NEDD8: variants seen among roughly 807,000 people sequenced by gnomAD.
The protein encoded by NEDD8 is ubiquitin-like protein NEDD8.
Under a neutral mutation model 13.8 loss-of-function variants are expected in NEDD8, and 1 was observed. That is an observed-to-expected ratio of 0.07 (90% CI 0.03 to 0.34). The LOEUF (loss-of-function observed/expected upper bound fraction) is 0.34, where lower values mean the gene tolerates loss of function less well. NEDD8 is among the 10% of genes least tolerant of loss of function. NEDD8 has a pLI of 0.99. For missense variants in NEDD8, 10 were observed against 95.2 expected, an observed-to-expected ratio of 0.10 and a Z score of 3.73; for synonymous variants, 31 against 33.2, an observed-to-expected ratio of 0.93 and a Z score of 0.23.
intron 1 of NEDD8, among the ~76,000 whole-genome samples, chr14:24,222,695 T>C (rs979146136): frequency 4.6e-5 from 7 of 152,154 alleles, no homozygotes; most frequent in African/African-American, 1.7e-4. Flanking sequence ...AAACCCAACA[T>C]AGCCAAAATA....
chr14:24,231,563 G>A (rs1327097429), intron 1 of NEDD8: 1 of 151,986 alleles, frequency 6.6e-6, no homozygotes, highest in Non-Finnish European at 1.5e-5. Context: ...ACGAGGGCTG[G>A]AAATTGGTGA....
chr14:24,225,527 C>G (rs1052901798), intron 1 of NEDD8, among the ~76,000 whole-genome samples: 8 of 151,978 alleles, frequency 5.3e-5, no homozygotes, highest in Non-Finnish European at 1.2e-4. Context: ...TTAAAAAAAT[C>G]AGGTAAAAGG....
intron 1 of NEDD8, among the ~76,000 whole-genome samples, chr14:24,224,686 A>G (rs1288372737): frequency 6.6e-6 from 1 of 152,220 alleles, no homozygotes; most frequent in Non-Finnish European, 1.5e-5. Context: ...GTAACCCCCA[A>G]TGAAACAATG....
At chr14:24,224,028 C>T (rs35609242) in intron 1 of NEDD8, among the ~76,000 whole-genome samples, 28 of 151,922 alleles carry the variant, frequency 1.8e-4, no homozygotes, top group Non-Finnish European at 3.1e-4. Flanking sequence ...CCCGGGTTCA[C>T]GCCATTCTCC....
At chr14:24,229,260 C>G (rs968256351) in intron 1 of NEDD8, among the ~76,000 whole-genome samples, 1 of 152,210 alleles carries the variant, frequency 6.6e-6, no homozygotes, top group African/African-American at 2.4e-5. Flanking sequence ...CACTCTGTTG[C>G]CCAGGCTGGA....
chr14:24,216,908 A>G lies in NEDD8; in HGVS notation c.*219T>C, dbSNP rs2039709858. On this transcript the variant is annotated 3_prime_UTR_variant, in exon 4 of 4. Transcript: ENST00000250495. The stretch of plus-strand genomic sequence containing the variant: ...TGACAACCAGGGACACAGTCATAAG[A>G]GAGGGAAGCACACAGGACTGCAAAC... The G allele has an allele frequency of 1.9e-6, 1 of 524,780 alleles. No homozygotes were observed. The highest frequency in any genetic ancestry group is 3.7e-5 in the Admixed American group (1 of 27,116). The allele number at this position is 524,780 out of a possible 1,614,324, so 32.5% of individuals were successfully genotyped here. A position where few individuals can be genotyped will look rare whatever the true frequency, so the allele number is the denominator to read the frequency against.
intron 1 of NEDD8, among the ~76,000 whole-genome samples, chr14:24,223,881 C>T (rs973674361): frequency 5.3e-5 from 8 of 151,940 alleles, no homozygotes; most frequent in South Asian, 2.1e-4. Flanking sequence ...GTTACAGCCG[C>T]GTGTCACTAC....
intron 1 of NEDD8, among the ~76,000 whole-genome samples, chr14:24,223,392 C>CT (rs1328825867): frequency 1.3e-5 from 2 of 151,828 alleles, no homozygotes; most frequent in Non-Finnish European, 2.9e-5. Context: ...GAGGGAGACC[C>CT]TATCTCCAAA....
At chr14:24,218,553 C>G in intron 1 of NEDD8, 122 bp from the exon 2 acceptor site, 1 of 1,377,504 alleles carries the variant, frequency 7.3e-7, no homozygotes, top group Non-Finnish European at 1.0e-6. Flanking sequence ...TTCTCAGCAG[C>G]ACTGCTTTGG....
chr14:24,221,008 A>G (rs2039799344), intron 1 of NEDD8, among the ~76,000 whole-genome samples: 1 of 152,256 alleles, frequency 6.6e-6, no homozygotes, highest in African/African-American at 2.4e-5. Flanking sequence ...TTCCAAAAAT[A>G]CAAGAACAAT....
intron 1 of NEDD8, among the ~76,000 whole-genome samples, chr14:24,219,475 C>CAAAAAAAAAAAAAA (rs59964484): frequency 3.0e-5 from 1 of 33,368 alleles, no homozygotes; most frequent in Non-Finnish European, 5.4e-5. Context: ...AACACCCTCG[C>CAAAAAAAAAAAAAA]AAAAAAAAAA....
chr14:24,220,810 G>A (rs2039795625), intron 1 of NEDD8, among the ~76,000 whole-genome samples: 2 of 152,172 alleles, frequency 1.3e-5, no homozygotes, highest in South Asian at 2.1e-4. Flanking sequence ...TGGTCCCAGA[G>A]CCTGTGCTTT....
intron 1 of NEDD8, chr14:24,227,168 G>A (rs1406981768): frequency 6.6e-6 from 1 of 152,162 alleles, no homozygotes; most frequent in Admixed American, 6.5e-5. Context: ...TTTAGATTTT[G>A]TAATTACATG....
In NEDD8 at chr14:24,221,592, T is replaced by TTTTA. The variant is rs539118024; in HGVS notation, c.19-3165_19-3162dup. Among the ~76,000 whole-genome samples, 521 of 150,042 alleles carry TTTTA rather than the reference T, an allele frequency of 3.5e-3. 3 individuals carry two copies. The highest frequency in any genetic ancestry group is 0.012 in the African/African-American group (482 of 40,724). ...ACCGTGCCTGGCCGATAATACAAAT[T>TTTTA]TTTATTTATTTATTTATTTTGAGAT... is the stretch of plus-strand genomic sequence containing the variant. On this transcript the variant is annotated intron_variant, in intron 1 of 3. Coordinates refer to ENST00000250495, the MANE Select transcript of NEDD8 (RefSeq NM_006156.3).
chr14:24,226,250 G>C (rs2039888589), intron 1 of NEDD8, among the ~76,000 whole-genome samples: 2 of 152,156 alleles, frequency 1.3e-5, no homozygotes, highest in South Asian at 4.2e-4. Flanking sequence ...CCAGCAGTTT[G>C]GGAGGCTGAG....
At chr14:24,219,832 A>T (rs2039773140) in intron 1 of NEDD8, among the ~76,000 whole-genome samples, 1 of 151,848 alleles carries the variant, frequency 6.6e-6, no homozygotes, top group Admixed American at 6.6e-5. Flanking sequence ...AAACTTCAAG[A>T]CCCCTTAAAT....
intron 1 of NEDD8, among the ~76,000 whole-genome samples, chr14:24,219,475 CAAAAAAAAAAAA>C (rs59964484): frequency 1.2e-4 from 4 of 33,368 alleles, no homozygotes; most frequent in East Asian, 8.4e-4. Flanking sequence ...AACACCCTCG[CAAAAAAAAAAAA>C]AAAAAAAAAA....
chr14:24,227,703 T>C (rs763724259), intron 1 of NEDD8: 1 of 152,192 alleles, frequency 6.6e-6, no homozygotes, highest in East Asian at 1.9e-4. Context: ...TTTAGAACCA[T>C]AGAGACAAGG....
At chr14:24,225,383 A>G (rs1282066167) in intron 1 of NEDD8, among the ~76,000 whole-genome samples, 1 of 152,186 alleles carries the variant, frequency 6.6e-6, no homozygotes, top group Non-Finnish European at 1.5e-5. Context: ...ACAATAGGGT[A>G]ATTTGATGAT....
Sources: gnomAD v4.1 joint callset for allele counts (sites outside exome capture counted in the v4.1 genomes callset) on GRCh38, gnomAD v4.1.1 for gene constraint, MANE v1.5 for transcripts, NCBI Gene and HGNC (gene_info 2026-07-23, HGNC 2026-07-21) for gene names.